CHRM2: variants seen among roughly 807,000 people sequenced by gnomAD.
CHRM2 encodes muscarinic acetylcholine receptor M2.
A neutral mutation model predicts 25.0 loss-of-function variants in CHRM2; 8 were observed. The ratio of observed to expected loss-of-function variants is 0.32; its 90% CI spans 0.19 to 0.58. CHRM2 has a LOEUF of 0.58. CHRM2 is among the 20% of genes least tolerant of loss of function. The probability of loss-of-function intolerance (pLI) is 0.88; values close to 1 mark genes in which losing one functional copy is unlikely to be tolerated. For missense variants in CHRM2, 440 were observed against 567.1 expected (o/e 0.78, Z 2.28); for synonymous variants, 202 against 205.7 (o/e 0.98, Z 0.15).
chr7:136,911,714 C>A (rs1321767637), intron 2 of CHRM2, among the ~76,000 whole-genome samples: 2 of 151,846 alleles, frequency 1.3e-5, no homozygotes, highest in Non-Finnish European at 2.9e-5. Context: ...GTTTACATGT[C>A]GAATTTTCTT....
intron 2 of CHRM2, chr7:136,870,667 G>C (rs1563034945): frequency 6.6e-6 from 1 of 152,572 alleles, no homozygotes; most frequent in East Asian, 1.9e-4. Context: ...GGGCAGAGAG[G>C]CTGGAGGAGA....
chr7:136,918,485 C>A (rs888528226), intron 2 of CHRM2, among the ~76,000 whole-genome samples: 1 of 152,064 alleles, frequency 6.6e-6, no homozygotes, highest in African/African-American at 2.4e-5. Flanking sequence ...TGTGTTCACC[C>A]ATCTCACTGT....
chr7:136,978,838 T>C (rs1343597862), intron 2 of CHRM2, among the ~76,000 whole-genome samples: 3 of 152,212 alleles, frequency 2.0e-5, no homozygotes, highest in Admixed American at 1.3e-4. Flanking sequence ...ATTTTATTTA[T>C]CCAGTGTAGC....
intron 2 of CHRM2, among the ~76,000 whole-genome samples, chr7:136,884,472 C>G (rs1436290626): frequency 6.7e-6 from 1 of 149,536 alleles, no homozygotes; most frequent in Non-Finnish European, 1.5e-5. Context: ...CAAATGTTTT[C>G]AAAATGAAAT....
intron 3 of CHRM2, among the ~76,000 whole-genome samples, chr7:136,998,700 A>G (rs919509475): frequency 2.6e-5 from 4 of 152,212 alleles, no homozygotes; most frequent in African/African-American, 9.6e-5. Context: ...GTTTAAAAAC[A>G]AACAGATCAA....
intron 2 of CHRM2, among the ~76,000 whole-genome samples, chr7:136,921,786 C>CTTTTTTTTTTTTTTTTTTTTTTTTTT (rs1485518823): frequency 9.1e-6 from 1 of 110,490 alleles, no homozygotes; most frequent in Non-Finnish European, 2.4e-5. Flanking sequence ...TTCTTTCTTT[C>CTTTTTTTTTTTTTTTTTTTTTTTTTT]TTTCTTTCTT....
chr7:136,909,020 T>C (rs1170065404), intron 2 of CHRM2, among the ~76,000 whole-genome samples: 1 of 151,876 alleles, frequency 6.6e-6, no homozygotes, highest in Non-Finnish European at 1.5e-5. Context: ...TCTCAATGAG[T>C]TGACGAGTCT....
chr7:136,875,092 T>C (rs1167348834), intron 2 of CHRM2, among the ~76,000 whole-genome samples: 2 of 143,624 alleles, frequency 1.4e-5, no homozygotes, highest in Non-Finnish European at 1.6e-5. Flanking sequence ...TATATACATA[T>C]ATACACATAT....
At chr7:136,930,023 C>T (rs929693958) in intron 2 of CHRM2, among the ~76,000 whole-genome samples, 5 of 151,810 alleles carry the variant, frequency 3.3e-5, no homozygotes, top group Admixed American at 2.0e-4. Context: ...CATTAATTGG[C>T]AGAGATTGCC....
At chr7:136,935,929 T>C (rs566551712) in intron 2 of CHRM2, among the ~76,000 whole-genome samples, 1 of 152,266 alleles carries the variant, frequency 6.6e-6, no homozygotes, top group South Asian at 2.1e-4. Context: ...ATACTTACAT[T>C]AAAAATACAC....
At chr7:136,970,110 C>T (rs759425264) in intron 2 of CHRM2, among the ~76,000 whole-genome samples, 4 of 152,068 alleles carry the variant, frequency 2.6e-5, no homozygotes, top group African/African-American at 4.8e-5. Context: ...TTCCAAATGC[C>T]CCATCTCAGA....
At chr7:136,916,070 A>G (rs758034942) in intron 2 of CHRM2, among the ~76,000 whole-genome samples, 35 of 151,850 alleles carry the variant, frequency 2.3e-4, no homozygotes, top group Admixed American at 4.6e-4. Flanking sequence ...CATTCACAGG[A>G]ACCATTACTA....
intron 3 of CHRM2, among the ~76,000 whole-genome samples, chr7:136,995,276 C>T (rs1745714878): frequency 6.6e-6 from 1 of 151,956 alleles, no homozygotes; most frequent in African/African-American, 2.4e-5. Flanking sequence ...GGAAGGTCGA[C>T]CTTAGCAAGA....
chr7:136,960,562 A>G (rs1801008989), intron 2 of CHRM2, among the ~76,000 whole-genome samples: 1 of 152,248 alleles, frequency 6.6e-6, no homozygotes, highest in Non-Finnish European at 1.5e-5. Context: ...AGTTAACTAT[A>G]AGTTGTAGAG....
At chr7:136,931,399 C>G (rs571298857) in intron 2 of CHRM2, among the ~76,000 whole-genome samples, 1 of 152,254 alleles carries the variant, frequency 6.6e-6, no homozygotes, top group East Asian at 1.9e-4. Flanking sequence ...CCCCAAGCCT[C>G]AAAGTGGCAG....
chr7:136,927,479 C>T (rs991610754), intron 2 of CHRM2, among the ~76,000 whole-genome samples: 1 of 151,848 alleles, frequency 6.6e-6, no homozygotes, highest in Admixed American at 6.6e-5. Flanking sequence ...CAAAAGTAAT[C>T]ATCATCACTA....
chr7:136,952,892 T>A (rs1036837428), intron 2 of CHRM2, among the ~76,000 whole-genome samples: 4 of 152,178 alleles, frequency 2.6e-5, no homozygotes, highest in Non-Finnish European at 5.9e-5. Context: ...TTCATGTCCA[T>A]GCAAAGGACA....
In CHRM2 at chr7:137,008,231, C is replaced by T. The variant is rs561938144; in HGVS notation, c.-46-6589C>T. 2.7e-4 allele frequency among the ~76,000 whole-genome samples: 41 copies of T among 152,194 alleles called. 1 individual carries two copies. In the Middle Eastern group the frequency reaches 0.014, roughly 51 times the overall value. On this transcript the variant is annotated intron_variant, in intron 3 of 3. Transcript: ENST00000680005. ...GGGGAAGAGATAATACTTAAGTATC[C>T]TTTACTACCAACCGCTGGCTCTTCA...
intron 2 of CHRM2, among the ~76,000 whole-genome samples, chr7:136,877,697 G>C (rs371240133): frequency 1.3e-5 from 2 of 152,124 alleles, no homozygotes; most frequent in African/African-American, 4.8e-5. Flanking sequence ...ATGATCCCAA[G>C]TAACAGGCGG....
Sources: gnomAD v4.1 joint callset for allele counts (sites outside exome capture counted in the v4.1 genomes callset) on GRCh38, gnomAD v4.1.1 for gene constraint, MANE v1.5 for transcripts, NCBI Gene and HGNC (gene_info 2026-07-23, HGNC 2026-07-21) for gene names.